SH3BP5: variants seen among roughly 807,000 people sequenced by gnomAD.
SH3BP5 encodes SH3 domain binding protein 5, also known as SH3 domain-binding protein 5.
A neutral mutation model predicts 43.3 loss-of-function variants in SH3BP5; 22 were observed. That is an observed-to-expected ratio of 0.51 (90% CI 0.36 to 0.73). The LOEUF (loss-of-function observed/expected upper bound fraction) is 0.73. Ranked by LOEUF, SH3BP5 falls within the 30% of genes least tolerant of loss-of-function variation. The pLI is 0.00. For missense variants in SH3BP5, 529 were observed against 586.9 expected (o/e 0.90, Z 1.02); for synonymous variants, 255 against 225.8 (o/e 1.13, Z -1.16).
At chr3:15,269,249 T>C (rs917652552) in intron 4 of SH3BP5, among the ~76,000 whole-genome samples, 2 of 152,136 alleles carry the variant, frequency 1.3e-5, no homozygotes, top group Admixed American at 1.3e-4. Context: ...CTGTCGTAAG[T>C]ACACACCTGA....
At chr3:15,295,734 C>G (rs1029213229) in intron 3 of SH3BP5, among the ~76,000 whole-genome samples, 1 of 152,174 alleles carries the variant, frequency 6.6e-6, no homozygotes, top group African/African-American at 2.4e-5. Flanking sequence ...GTAACATCCG[C>G]TGTGCATGAC....
chr3:15,300,502 G>T (rs957382005), intron 3 of SH3BP5, among the ~76,000 whole-genome samples: 1 of 57,346 alleles, frequency 1.7e-5, no homozygotes, highest in Non-Finnish European at 4.8e-5. Context: ...AAAAGGAAGC[G>T]GGGGCGGGGG....
At chr3:15,325,992 C>A (rs1698451944) in intron 2 of SH3BP5, among the ~76,000 whole-genome samples, 1 of 152,152 alleles carries the variant, frequency 6.6e-6, no homozygotes. Context: ...GCACTCCAGC[C>A]TGAGTGACAG....
At chr3:15,263,781 C>T (rs1418442550) in intron 4 of SH3BP5, among the ~76,000 whole-genome samples, 2 of 152,198 alleles carry the variant, frequency 1.3e-5, no homozygotes, top group South Asian at 2.1e-4. Context: ...GGAAACAAAC[C>T]GCAGTTCAGG....
chr3:15,303,019 G>A (rs1439571977), intron 3 of SH3BP5, among the ~76,000 whole-genome samples: 3 of 152,254 alleles, frequency 2.0e-5, no homozygotes, highest in Middle Eastern at 3.4e-3. Context: ...TGTTGGCCAG[G>A]CTGGTCTCGA....
chr3:15,287,230 C>T (rs73025402), intron 3 of SH3BP5, among the ~76,000 whole-genome samples: 20,908 of 152,206 alleles, frequency 0.14, 1,813 homozygotes, highest in East Asian at 0.25. Context: ...GTAGCATTAG[C>T]TTGTGGGTAT....
chr3:15,284,487 A>G (rs528658739), intron 3 of SH3BP5, among the ~76,000 whole-genome samples: 1 of 152,308 alleles, frequency 6.6e-6, no homozygotes, highest in South Asian at 2.1e-4. Flanking sequence ...TTTCCAACAC[A>G]CTTGAAATAA....
At chr3:15,304,332 A>C in intron 2 of SH3BP5, 101 bp from the exon 3 acceptor site, 1 of 1,566,028 alleles carries the variant, frequency 6.4e-7, no homozygotes, top group East Asian at 2.3e-5. Context: ...GACTTTACCC[A>C]ACGTACAGAC....
At chr3:15,302,480 A>G (rs780202765) in intron 3 of SH3BP5, among the ~76,000 whole-genome samples, 1 of 152,214 alleles carries the variant, frequency 6.6e-6, no homozygotes, top group African/African-American at 2.4e-5. Flanking sequence ...TAAAGGCAAC[A>G]TATCTGGCAA....
At chr3:15,298,522 T>C (rs1697642943) in intron 3 of SH3BP5, among the ~76,000 whole-genome samples, 2 of 152,236 alleles carry the variant, frequency 1.3e-5, no homozygotes, top group South Asian at 4.1e-4. Context: ...TGCAAAGTGC[T>C]CTGCTCTCTT....
At chr3:15,279,116 G>A (rs1477281686) in intron 3 of SH3BP5, among the ~76,000 whole-genome samples, 1 of 152,088 alleles carries the variant, frequency 6.6e-6, no homozygotes, top group Non-Finnish European at 1.5e-5. Flanking sequence ...GTTGCAGTGA[G>A]CCGAGATCGC....
chr3:15,306,731 T>C (rs555902474), intron 2 of SH3BP5, among the ~76,000 whole-genome samples: 1 of 152,212 alleles, frequency 6.6e-6, no homozygotes, highest in Admixed American at 6.5e-5. Flanking sequence ...TGCAGTGGCA[T>C]GACCTCAGCT....
chr3:15,305,783 T>C (rs1697886241), intron 2 of SH3BP5, among the ~76,000 whole-genome samples: 1 of 152,092 alleles, frequency 6.6e-6, no homozygotes, highest in Non-Finnish European at 1.5e-5. Flanking sequence ...CCATCCATCC[T>C]GGCGACAGCA....
chr3:15,256,678 C>A (rs142674138), intron 8 of SH3BP5, 175 bp downstream of exon 8: 6 of 718,360 alleles, frequency 8.4e-6, no homozygotes, highest in Non-Finnish European at 1.1e-5. Context: ...AGCCAGGAGC[C>A]CCCCCAGAAC....
chr3:15,294,440 TTTCTTCCTCCC>T (rs1425783405), intron 3 of SH3BP5, among the ~76,000 whole-genome samples: 2 of 152,050 alleles, frequency 1.3e-5, no homozygotes, highest in Non-Finnish European at 2.9e-5. Flanking sequence ...TCCATCCTCC[TTTCTTCCTCCC>T]TTCCATCCAG....
At chr3:15,307,871 C>A (rs942111519) in intron 2 of SH3BP5, among the ~76,000 whole-genome samples, 1 of 152,216 alleles carries the variant, frequency 6.6e-6, no homozygotes, top group African/African-American at 2.4e-5. Context: ...GGCCTACAGC[C>A]GGTCACATCA....
At position 15,255,123 on chromosome 3, in the gene SH3BP5, AACT is replaced by A. The variant is rs1455293733; in HGVS notation, c.*960_*962del. The A allele has an allele frequency of 6.6e-6, 1 of 152,654 alleles. No individual in the cohort carries two copies. Among genetic ancestry groups the A allele is most frequent in the Admixed American group, 6.5e-5 (1 of 15,290 alleles). The allele number at this position is 152,654 out of a possible 1,614,324, so 9.5% of individuals were successfully genotyped here. A position where few individuals can be genotyped will look rare whatever the true frequency, so the allele number is the denominator to read the frequency against. On this transcript the variant is annotated 3_prime_UTR_variant, in exon 9 of 9. Coordinates refer to ENST00000383791, the MANE Select transcript of SH3BP5 (RefSeq NM_004844.5). ...TTAAAGAAAAGCAGTCTTAACACTT[AACT>A]ACTATTAACAGCCTTTGCCAACACA...
intron 7 of SH3BP5, chr3:15,257,384 C>T (rs1057493814): frequency 5.1e-6 from 2 of 393,104 alleles, no homozygotes; most frequent in East Asian, 8.9e-5. Context: ...CACCAGACAC[C>T]ACCTAAAAAT....
chr3:15,340,983 C>T (rs1181532747), intron 1 of SH3BP5, among the ~76,000 whole-genome samples: 3 of 151,948 alleles, frequency 2.0e-5, no homozygotes, highest in South Asian at 2.1e-4. Context: ...ACCCGGGAGG[C>T]GGAGGTTGTG....
Sources: allele counts gnomAD v4.1 joint callset (sites outside exome capture counted in the v4.1 genomes callset), GRCh38; gene constraint gnomAD v4.1.1; transcripts MANE v1.5; gene names NCBI Gene and HGNC (gene_info 2026-07-23, HGNC 2026-07-21).